DCBLD1: variants seen among roughly 807,000 people sequenced by gnomAD.
DCBLD1 encodes discoidin, CUB and LCCL domain-containing protein 1.
A neutral mutation model predicts 71.5 loss-of-function variants in DCBLD1; 57 were observed. The ratio of observed to expected loss-of-function variants is 0.80; its 90% CI spans 0.64 to 0.99. DCBLD1 has a LOEUF of 0.99. Among genes scored for constraint, DCBLD1 ranks in the 50% least tolerant of loss-of-function variants. DCBLD1 has a pLI of 0.00. For synonymous variants in DCBLD1, 380 were observed against 363.8 expected, an observed-to-expected ratio of 1.04 and a Z score of -0.51; for missense variants, 891 against 923.5, an observed-to-expected ratio of 0.96 and a Z score of 0.46.
chr6:117,538,325 A>T (rs1319357033), intron 7 of DCBLD1, among the ~76,000 whole-genome samples: 3 of 152,226 alleles, frequency 2.0e-5, no homozygotes, highest in Non-Finnish European at 2.9e-5. Flanking sequence ...TGAAATCAGG[A>T]TGAATATAGA....
At chr6:117,542,101 C>T (rs210618) in intron 11 of DCBLD1, among the ~76,000 whole-genome samples, 119,896 of 151,900 alleles carry the variant, frequency 0.79, 48,103 homozygotes, top group African/African-American at 0.94. Context: ...GAGACCAGCC[C>T]GGGCAACATG....
rs112432013 is a variant in DCBLD1, at chr6:117,523,232, T to A, written c.512+1656T>A. ...TTATGGTGCCAGATTATCTCAGCTT[T>A]AGCCCAGCCATTTTGTAGTGTTTAG... On this transcript the variant is annotated intron_variant, in intron 4 of 14. Transcript: ENST00000338728. Among the ~76,000 whole-genome samples the A allele has an allele frequency of 4.8e-3, 731 of 152,336 alleles. 7 individuals are homozygous for A. Among genetic ancestry groups the A allele is most frequent in the African/African-American group, 0.017 (716 of 41,594 alleles).
rs1779161810 is a variant in DCBLD1, at chr6:117,543,272, A to G, written c.1445+61A>G. ...ATTATGCGAACAATAAAAAACCAAA[A>G]AGTTTATTCTTCAGAAATGCATATG... On this transcript the variant is annotated intron_variant, in intron 12 of 14. Transcript: ENST00000338728. The G allele has an allele frequency of 2.1e-6, 3 of 1,443,338 alleles. No homozygotes were observed. In the South Asian group the frequency reaches 3.4e-5, roughly 17 times the overall value. The allele number at this position is 1,443,338 out of a possible 1,614,324, so 89.4% of individuals were successfully genotyped here.
At chr6:117,537,529 A>ATG (rs1562457135) in intron 7 of DCBLD1, among the ~76,000 whole-genome samples, 1 of 147,384 alleles carries the variant, frequency 6.8e-6, no homozygotes, top group Admixed American at 6.8e-5. Context: ...GCGAGACTCC[A>ATG]TCTCAAAAAA....
At chr6:117,538,164 G>A (rs1251874356) in intron 7 of DCBLD1, among the ~76,000 whole-genome samples, 1 of 152,194 alleles carries the variant, frequency 6.6e-6, no homozygotes, top group Non-Finnish European at 1.5e-5. Context: ...TCCTTTGGAT[G>A]AATATTGGGT....
intron 2 of DCBLD1, among the ~76,000 whole-genome samples, chr6:117,504,315 T>C (rs919765967): frequency 6.6e-6 from 1 of 152,230 alleles, no homozygotes; most frequent in Admixed American, 6.5e-5. Context: ...ACAGTGACCA[T>C]GTTTCAGGTA....
At position 117,548,778 on chromosome 6, in the gene DCBLD1, T is replaced by C; in HGVS notation, c.*339T>C. The stretch of plus-strand genomic sequence containing the variant: ...GAGTTGTATTTAACAATAATAAAAG[T>C]AACTTAAGTTTGCTCTATCAGATTT... On this transcript the variant is annotated 3_prime_UTR_variant, in exon 15 of 15. Transcript: ENST00000338728. 1 of 1,131,522 alleles carries C rather than the reference T, an allele frequency of 8.8e-7. No individual in the cohort carries two copies. Among genetic ancestry groups the C allele is most frequent in the Non-Finnish European group, 1.1e-6 (1 of 922,784 alleles). 70.1% of individuals were successfully genotyped at this position (1,131,522 alleles called of 1,614,324 possible).
intron 1 of DCBLD1, 59 bp from the exon 2 acceptor site, chr6:117,503,708 C>A: frequency 6.4e-7 from 1 of 1,565,874 alleles, no homozygotes; most frequent in Non-Finnish European, 8.8e-7. Flanking sequence ...GACTCTCAAT[C>A]CTCAGTAAGA....
At position 117,532,328 on chromosome 6, in the gene DCBLD1, T is replaced by C. The variant is rs1320345338; in HGVS notation, c.654T>C (p.Ser218=). ...CTGATGAACTAGGTGGCCAGATCAG[T>C]GTGCTTCAGCGCAAAGGGATCAGTC... ...IIADELGGQI[S]VLQRKGISRY... The change falls in exon 6 of 15, where the codon AGT becomes AGC. Residue 218 remains serine (S), a synonymous_variant. Coordinates refer to ENST00000338728, the MANE Select transcript of DCBLD1 (RefSeq NM_001366458.2). 6.2e-7 allele frequency: 1 copy of C among 1,613,954 alleles called. No individual in the cohort carries two copies. The highest frequency in any genetic ancestry group is 2.2e-5 in the East Asian group (1 of 44,884).
intron 2 of DCBLD1, among the ~76,000 whole-genome samples, chr6:117,509,343 G>C (rs1009441123): frequency 3.3e-5 from 5 of 152,190 alleles, no homozygotes; most frequent in Admixed American, 1.3e-4. Flanking sequence ...GAGGCAAGAG[G>C]ATCACTTGAA....
At chr6:117,525,339 A>G (rs1562449832) in intron 4 of DCBLD1, 23 bp from the exon 5 acceptor site, 1 of 1,446,230 alleles carries the variant, frequency 6.9e-7, no homozygotes, top group Non-Finnish European at 9.1e-7. Context: ...TAAAATATAA[A>G]TTATTTATTT....
intron 1 of DCBLD1, among the ~76,000 whole-genome samples, chr6:117,493,228 C>G (rs1227525763): frequency 2.0e-5 from 3 of 152,198 alleles, no homozygotes; most frequent in Non-Finnish European, 4.4e-5. Context: ...TCCAACAGAA[C>G]AGTCACTAAT....
At chr6:117,553,764 C>G (rs1779460598), downstream of DCBLD1, among the ~76,000 whole-genome samples, 1 of 152,074 alleles carries the variant, frequency 6.6e-6, no homozygotes, top group South Asian at 2.1e-4. Flanking sequence ...TTAATTTGTA[C>G]TTAGGTGTTT....
intron 2 of DCBLD1, among the ~76,000 whole-genome samples, chr6:117,514,591 CA>C (rs59209418): frequency 0.15 from 16,734 of 108,872 alleles, 2,344 homozygotes; most frequent in African/African-American, 0.41. Flanking sequence ...GACCCTGTCT[CA>C]AAAAAAAAAA....
At chr6:117,516,565 A>G (rs567462607) in intron 2 of DCBLD1, among the ~76,000 whole-genome samples, 2 of 152,274 alleles carry the variant, frequency 1.3e-5, no homozygotes, top group African/African-American at 4.8e-5. Flanking sequence ...ACAGAGAGAA[A>G]TTGGATCCTT....
chr6:117,521,405 A>G, intron 3 of DCBLD1, 120 bp from the exon 4 acceptor site: 1 of 782,982 alleles, frequency 1.3e-6, no homozygotes, highest in Non-Finnish European at 1.9e-6. Context: ...GAAAATTCTG[A>G]TAACTACATA....
intron 1 of DCBLD1, among the ~76,000 whole-genome samples, chr6:117,487,472 A>G (rs1218727662): frequency 2.6e-5 from 4 of 152,064 alleles, no homozygotes; most frequent in Non-Finnish European, 4.4e-5. Context: ...CGAAAATACA[A>G]TAAAACTAGC....
chr6:117,504,504 G>GT (rs1777773307), intron 2 of DCBLD1, among the ~76,000 whole-genome samples: 1 of 152,176 alleles, frequency 6.6e-6, no homozygotes, highest in African/African-American at 2.4e-5. Flanking sequence ...GCGTTTGAGT[G>GT]TTTTTGTGCC....
intron 1 of DCBLD1, among the ~76,000 whole-genome samples, chr6:117,488,608 G>A (rs1030523073): frequency 8.5e-5 from 13 of 152,152 alleles, no homozygotes; most frequent in Non-Finnish European, 1.2e-4. Flanking sequence ...TGCTGCCACC[G>A]TACTCCAGCC....
Sources: allele counts gnomAD v4.1 joint callset (sites outside exome capture counted in the v4.1 genomes callset), GRCh38; gene constraint gnomAD v4.1.1; transcripts MANE v1.5; gene names NCBI Gene and HGNC (gene_info 2026-07-23, HGNC 2026-07-21).